The following DLG2 variants were observed in gnomAD, a reference collection of about 807,000 sequenced individuals.
DLG2 encodes the protein discs large MAGUK scaffold protein 2.
A neutral mutation model predicts 132.5 loss-of-function variants in DLG2; 45 were observed. The ratio of observed to expected loss-of-function variants is 0.34; its 90% confidence interval spans 0.27 to 0.44. The LOEUF (loss-of-function observed/expected upper bound fraction) is 0.44. Among genes scored for constraint, DLG2 ranks in the 20% least tolerant of loss-of-function variants. DLG2 has a pLI of 1.00. For missense variants in DLG2, 1,045 were observed against 1,196.9 expected, an observed-to-expected ratio of 0.87 and a Z score of 1.87; for synonymous variants, 424 against 419.6, an observed-to-expected ratio of 1.01 and a Z score of -0.13.
Position 84,546,505 on chromosome 11 carries a change from G to A in DLG2, c.358-11774C>T, listed in dbSNP as rs1242279402. On this transcript the variant is annotated intron_variant, in intron 6 of 27. Transcript: ENST00000376104. Reference sequence around the variant, plus strand: ...TTTCTTGATAGCAGTGCAACCATGAGCTGATACAGCCATCAACAAATATCT... The same window carrying A: ...TTTCTTGATAGCAGTGCAACCATGAACTGATACAGCCATCAACAAATATCT... The A allele has an allele frequency of 2.3e-5, 7 of 305,156 alleles. No individual in the cohort carries two copies. The East Asian group carries it at 5.3e-4, about 23-fold the overall frequency. The allele number at this position is 305,156 out of a possible 1,614,324, so 18.9% of individuals were successfully genotyped here. A position where few individuals can be genotyped will look rare whatever the true frequency, so the allele number is the denominator to read the frequency against.
At chr11:84,980,645 A>C (rs1441911609) in intron 6 of DLG2, among the ~76,000 whole-genome samples, 1 of 152,158 alleles carries the variant, frequency 6.6e-6, no homozygotes, top group East Asian at 1.9e-4. Flanking sequence ...TTATAGGTAA[A>C]AGTTAGAATA....
Position 83,562,651 on chromosome 11 carries a change from A to T in DLG2, c.1941-20793T>A, listed in dbSNP as rs1037077182. Among the ~76,000 whole-genome samples the T allele has an allele frequency of 1.2e-4, 19 of 152,304 alleles. No individual in the cohort carries two copies. The East Asian group carries it at 3.5e-3, about 28-fold the overall frequency. ...TGCCAATAGAATTTATATTGTTTCT[A>T]AGCAAATAGGTACATATCAGTACAA... On this transcript the variant is annotated intron_variant, in intron 19 of 27. Transcript: ENST00000376104.
At chr11:83,655,096 T>C (rs1681201280) in intron 18 of DLG2, among the ~76,000 whole-genome samples, 1 of 152,250 alleles carries the variant, frequency 6.6e-6, no homozygotes, top group African/African-American at 2.4e-5. Flanking sequence ...TCCAGTGCTT[T>C]TCTCCATCTT....
At chr11:85,464,991 T>G (rs1352098116) in intron 3 of DLG2, among the ~76,000 whole-genome samples, 4 of 142,916 alleles carry the variant, frequency 2.8e-5, no homozygotes, top group Non-Finnish European at 6.0e-5. Flanking sequence ...GGAGAATCAC[T>G]TGAACCTAGG....
intron 5 of DLG2, among the ~76,000 whole-genome samples, chr11:85,126,909 A>G (rs188962832): frequency 6.6e-6 from 1 of 152,316 alleles, no homozygotes. Flanking sequence ...TGAGAAGGTC[A>G]TCCAGCTAGT....
intron 15 of DLG2, among the ~76,000 whole-genome samples, chr11:83,897,895 C>T (rs2072241179): frequency 6.6e-6 from 1 of 152,232 alleles, no homozygotes; most frequent in Admixed American, 6.5e-5. Context: ...CTTATTTAAT[C>T]CTCCTGATGG....
intron 7 of DLG2, among the ~76,000 whole-genome samples, chr11:84,335,932 G>T (rs2098482554): frequency 1.3e-5 from 2 of 152,112 alleles, no homozygotes; most frequent in Non-Finnish European, 2.9e-5. Context: ...GCTGGATTAA[G>T]AAATTTAATC....
chr11:84,661,391 T>C (rs1478453277), intron 6 of DLG2, among the ~76,000 whole-genome samples: 1 of 152,154 alleles, frequency 6.6e-6, no homozygotes, highest in East Asian at 1.9e-4. Flanking sequence ...TATCTCTGTA[T>C]ATCATCGTGG....
At chr11:84,130,289 A>T (rs1280538573) in intron 9 of DLG2, among the ~76,000 whole-genome samples, 2 of 152,008 alleles carry the variant, frequency 1.3e-5, no homozygotes, top group African/African-American at 4.8e-5. Context: ...TATTCTACAT[A>T]GAAACACAAG....
chr11:83,831,317 A>G (rs1014931673), intron 17 of DLG2, among the ~76,000 whole-genome samples: 1 of 152,220 alleles, frequency 6.6e-6, no homozygotes, highest in South Asian at 2.1e-4. Context: ...TGGATGGCAG[A>G]ACAAGGTCCT....
At chr11:84,999,774 C>G (rs935989185) in intron 6 of DLG2, among the ~76,000 whole-genome samples, 6 of 152,034 alleles carry the variant, frequency 3.9e-5, no homozygotes, top group African/African-American at 1.4e-4. Context: ...AGGGTTCACA[C>G]AATTGGATAC....
intron 7 of DLG2, among the ~76,000 whole-genome samples, chr11:84,391,983 C>T (rs1355313921): frequency 6.6e-6 from 1 of 152,148 alleles, no homozygotes; most frequent in Non-Finnish European, 1.5e-5. Flanking sequence ...CTTATCCAGT[C>T]ATCCTCTCTG....
intron 6 of DLG2, among the ~76,000 whole-genome samples, chr11:84,942,813 G>T (rs564462344): frequency 1.3e-5 from 2 of 152,226 alleles, no homozygotes; most frequent in South Asian, 4.2e-4. Flanking sequence ...TGCTGAAAGT[G>T]GGGTGTTGAG....
At chr11:84,669,804 C>T (rs2099703777) in intron 6 of DLG2, among the ~76,000 whole-genome samples, 1 of 152,108 alleles carries the variant, frequency 6.6e-6, no homozygotes, top group Non-Finnish European at 1.5e-5. Context: ...TAAGTACCTC[C>T]TTGGAGATCC....
At chr11:83,654,022 G>A (rs935299373) in intron 18 of DLG2, among the ~76,000 whole-genome samples, 3 of 152,020 alleles carry the variant, frequency 2.0e-5, no homozygotes, top group Non-Finnish European at 4.4e-5. Flanking sequence ...GCCTGGCCAA[G>A]AATTTTTTTT....
rs76302185 is a variant in DLG2, at chr11:84,772,849, A to T, written c.358-238118T>A. ...AAGTCCTACATCAAATATTATAAAG[A>T]TCTAAAGTTAATGACCTAATATCAC... On this transcript the variant is annotated intron_variant, in intron 6 of 27. Transcript: ENST00000376104. 1.8e-3 allele frequency among the ~76,000 whole-genome samples: 276 copies of T among 152,280 alleles called. 2 individuals carry two copies. In the East Asian group the frequency reaches 0.032, roughly 18 times the overall value.
intron 8 of DLG2, among the ~76,000 whole-genome samples, chr11:84,250,081 G>C (rs1459442494): frequency 6.6e-6 from 1 of 152,196 alleles, no homozygotes; most frequent in African/African-American, 2.4e-5. Flanking sequence ...TCTCTCAAAA[G>C]GCAGCCTATG....
intron 6 of DLG2, among the ~76,000 whole-genome samples, chr11:84,781,087 G>GTGTGTGTA (rs1206200377): frequency 1.4e-5 from 2 of 146,178 alleles, no homozygotes; most frequent in Non-Finnish European, 3.0e-5. Flanking sequence ...GTGTGTGTGT[G>GTGTGTGTA]TATACTTTCT....
At chr11:83,772,677 G>T (rs1040573222) in intron 18 of DLG2, among the ~76,000 whole-genome samples, 1 of 152,120 alleles carries the variant, frequency 6.6e-6, no homozygotes, top group African/African-American at 2.4e-5. Flanking sequence ...ATATCTTTAG[G>T]CATGAAGAGC....
Sources: gnomAD v4.1 joint callset for allele counts (sites outside exome capture counted in the v4.1 genomes callset) on GRCh38, gnomAD v4.1.1 for gene constraint, MANE v1.5 for transcripts, NCBI Gene and HGNC (gene_info 2026-07-23, HGNC 2026-07-21) for gene names.